Variants in AMOTL1 observed in about 807,000 individuals in gnomAD.
The protein encoded by AMOTL1 is angiomotin-like protein 1.
In AMOTL1, 45 loss-of-function variants were observed where a neutral mutation model predicts 102.9. That is an observed-to-expected ratio of 0.44 (90% CI 0.34 to 0.56). AMOTL1 has a LOEUF of 0.56. Ranked by LOEUF, AMOTL1 falls within the 20% of genes least tolerant of loss-of-function variation. The probability of loss-of-function intolerance (pLI) is 0.01; values close to 1 mark genes in which losing one functional copy is unlikely to be tolerated. For synonymous variants in AMOTL1, 481 were observed against 484.7 expected (o/e 0.99, Z 0.10); for missense variants, 1,114 against 1,225.6 (o/e 0.91, Z 1.36).
intron 3 of AMOTL1, among the ~76,000 whole-genome samples, chr11:94,751,712 A>G (rs1211121861): frequency 6.6e-6 from 1 of 152,020 alleles, no homozygotes; most frequent in Non-Finnish European, 1.5e-5. Context: ...AAAAAAAAAA[A>G]AAGATCAAGG....
intron 2 of AMOTL1, among the ~76,000 whole-genome samples, chr11:94,738,782 G>T (rs2135472604): frequency 6.6e-6 from 1 of 152,280 alleles, no homozygotes; most frequent in East Asian, 1.9e-4. Flanking sequence ...AAAAGGTCAT[G>T]GATAAGTAAA....
At chr11:94,743,684 T>A in intron 3 of AMOTL1, among the ~76,000 whole-genome samples, 1 of 114,270 alleles carries the variant, frequency 8.8e-6, no homozygotes, top group Admixed American at 1.1e-4. Context: ...TTTGTGACGG[T>A]GTCTCGCTCT....
intron 11 of AMOTL1, chr11:94,866,642 C>T (rs554991294): frequency 9.6e-4 from 161 of 167,652 alleles, no homozygotes; most frequent in Middle Eastern, 3.0e-3. Context: ...CCCCATGGGG[C>T]GTGGGAGGGA....
At chr11:94,733,191 C>T (rs1269542657) in intron 2 of AMOTL1, among the ~76,000 whole-genome samples, 3 of 152,220 alleles carry the variant, frequency 2.0e-5, no homozygotes, top group African/African-American at 7.2e-5. Context: ...CCATTTTACT[C>T]CTGTCTGTCA....
chr11:94,859,540 C>A lies in AMOTL1; in HGVS notation c.1960C>A (p.Gln654Lys), dbSNP rs1469075862. 2 of 1,611,786 alleles carry A rather than the reference C, an allele frequency of 1.2e-6. No individual in the cohort carries two copies. The highest frequency in any genetic ancestry group is 1.7e-5 in the Admixed American group (1 of 59,624). ...LRTQQKHGNG[Q>K]PANMPEYNAP... is the part of the protein sequence containing the mutation. ...ACTCCTTCAGAAACATGGAAATGGC[C>A]AGCCAGCCAACATGCCGGAATACAA... is the stretch of plus-strand genomic sequence containing the variant. Residue 654 changes from glutamine (Q) to lysine (K), a missense_variant, in exon 9 of 13, where the codon CAG becomes AAG. Physicochemically the swap from Gln to Lys is moderately conservative, Grantham distance 53 (BLOSUM62 1). Transcript: ENST00000433060.
chr11:94,831,030 C>G (rs115117203), intron 5 of AMOTL1, among the ~76,000 whole-genome samples: 1 of 152,092 alleles, frequency 6.6e-6, no homozygotes, highest in East Asian at 1.9e-4. Flanking sequence ...TTTTGGTATT[C>G]GTTATTTTTT....
At chr11:94,758,373 G>A (rs1023454847) in intron 3 of AMOTL1, among the ~76,000 whole-genome samples, 1 of 152,164 alleles carries the variant, frequency 6.6e-6, no homozygotes, top group South Asian at 2.1e-4. Context: ...CTACATGATT[G>A]AATGCGTAAT....
In AMOTL1 at chr11:94,746,476, T is replaced by C. The variant is rs150830125; in HGVS notation, c.136+5488T>C. 8.1e-3 allele frequency among the ~76,000 whole-genome samples: 1,240 copies of C among 152,288 alleles called. 21 individuals are homozygous for C. Among genetic ancestry groups the C allele is most frequent in the African/African-American group, 0.028 (1,159 of 41,570 alleles). Reference sequence around the variant, plus strand: ...GGAACGCCATAACCTGCATCACTCATACCCACTATGACATTCTAGTTGTAT... The same window carrying C: ...GGAACGCCATAACCTGCATCACTCACACCCACTATGACATTCTAGTTGTAT... On this transcript the variant is annotated intron_variant, in intron 3 of 4. Coordinates refer to the AMOTL1 transcript ENST00000299004.
intron 2 of AMOTL1, among the ~76,000 whole-genome samples, chr11:94,732,392 T>C (rs1483911372): frequency 1.3e-5 from 2 of 152,100 alleles, no homozygotes; most frequent in Non-Finnish European, 2.9e-5. Context: ...CCCAGGATGT[T>C]TGGGGGTGAT....
intron 1 of AMOTL1, among the ~76,000 whole-genome samples, chr11:94,709,786 G>A (rs1279241218): frequency 6.6e-6 from 1 of 152,140 alleles, no homozygotes; most frequent in African/African-American, 2.4e-5. Flanking sequence ...TATTAACTAA[G>A]TTTGGGGGTG....
rs187019469 is a variant in AMOTL1 at position 94,860,471 on chromosome 11, A to G, written c.2135+756A>G. 1.4e-3 allele frequency among the ~76,000 whole-genome samples: 218 copies of G among 152,294 alleles called. 1 individual carries two copies. The highest frequency in any genetic ancestry group is 5.0e-3 in the African/African-American group (206 of 41,554). On this transcript the variant is annotated intron_variant, in intron 9 of 12. Coordinates refer to ENST00000433060, the MANE Select transcript of AMOTL1 (RefSeq NM_130847.3). ...AGCTCAAAGTGTGCAGTAATTCACA[A>G]AAAAAGCTCCCAAATGTTCTGTTAA...
At position 94,793,675 on chromosome 11, in the gene AMOTL1, C is replaced by T. The variant is rs192975142; in HGVS notation, c.50-1336C>T. On this transcript the variant is annotated intron_variant, in intron 1 of 12. Coordinates refer to ENST00000433060, the MANE Select transcript of AMOTL1 (RefSeq NM_130847.3). Reference sequence around the variant, plus strand: ...ATTTATAGACGTAGAGGATGATGCCCGGAAAGGGGCTGAGTTTCTTTTCAG... The same window carrying T: ...ATTTATAGACGTAGAGGATGATGCCTGGAAAGGGGCTGAGTTTCTTTTCAG... Among the ~76,000 whole-genome samples, 459 of 152,200 alleles carry T rather than the reference C, an allele frequency of 3.0e-3. 5 individuals are homozygous for T. Among genetic ancestry groups the T allele is most frequent in the African/African-American group, 0.01 (428 of 41,510 alleles).
chr11:94,710,390 T>C (rs1396472502), intron 1 of AMOTL1, among the ~76,000 whole-genome samples: 2 of 152,224 alleles, frequency 1.3e-5, no homozygotes, highest in African/African-American at 2.4e-5. Flanking sequence ...ATTTTCTAGT[T>C]GCTGACCTTG....
intron 2 of AMOTL1, among the ~76,000 whole-genome samples, chr11:94,735,077 A>G (rs895017785): frequency 1.1e-4 from 16 of 152,234 alleles, no homozygotes; most frequent in African/African-American, 3.9e-4. Context: ...TCTGAACACC[A>G]TCAAGTAGCT....
At chr11:94,823,802 G>A (rs575264366) in intron 4 of AMOTL1, among the ~76,000 whole-genome samples, 2 of 150,346 alleles carry the variant, frequency 1.3e-5, no homozygotes, top group Admixed American at 6.7e-5. Context: ...TGCAATCTCC[G>A]CTTCCCAGGT....
intron 1 of AMOTL1, among the ~76,000 whole-genome samples, chr11:94,793,433 C>T (rs990526034): frequency 6.6e-6 from 1 of 152,206 alleles, no homozygotes. Flanking sequence ...GGTGCCTAGG[C>T]CCTATCCTCA....
intron 1 of AMOTL1, among the ~76,000 whole-genome samples, chr11:94,726,207 C>T (rs1029477822): frequency 3.9e-5 from 6 of 152,138 alleles, no homozygotes; most frequent in East Asian, 1.9e-4. Context: ...TTCTGGTCTA[C>T]GGGTTTTAAC....
intron 9 of AMOTL1, among the ~76,000 whole-genome samples, chr11:94,860,469 C>CA (rs1276493132): frequency 1.3e-5 from 2 of 152,042 alleles, no homozygotes; most frequent in African/African-American, 2.4e-5. Flanking sequence ...CAGTAATTCA[C>CA]AAAAAAAGCT....
At chr11:94,837,185 G>A (rs190423485) in intron 6 of AMOTL1, among the ~76,000 whole-genome samples, 44 of 152,296 alleles carry the variant, frequency 2.9e-4, no homozygotes, top group Non-Finnish European at 5.4e-4. Flanking sequence ...TGGATAAGCT[G>A]CCACATCTCC....
Sources: allele counts gnomAD v4.1 joint callset (sites outside exome capture counted in the v4.1 genomes callset), GRCh38; gene constraint gnomAD v4.1.1; transcripts MANE v1.5; gene names NCBI Gene and HGNC (gene_info 2026-07-23, HGNC 2026-07-21).